VAT1L: variants seen among roughly 807,000 people sequenced by gnomAD.
The protein encoded by VAT1L is vesicle amine transport 1 like.
In VAT1L, 34 loss-of-function variants were observed where a neutral mutation model predicts 44.1. That is an observed-to-expected ratio of 0.77 (90% CI 0.59 to 1.03). VAT1L has a LOEUF of 1.03. VAT1L is among the 50% of genes least tolerant of loss of function. The pLI is 0.00. For missense variants in VAT1L, 615 were observed against 538.8 expected (o/e 1.14, Z -1.40); for synonymous variants, 253 against 202.2 (o/e 1.25, Z -2.13).
At chr16:77,808,980 A>G (rs890202719) in intron 1 of VAT1L, among the ~76,000 whole-genome samples, 8 of 152,324 alleles carry the variant, frequency 5.3e-5, no homozygotes, top group Non-Finnish European at 8.8e-5. Flanking sequence ...AGTATACGGC[A>G]TAGTATACAG....
intron 4 of VAT1L, among the ~76,000 whole-genome samples, chr16:77,865,478 A>T (rs2016963642): frequency 6.6e-6 from 1 of 152,184 alleles, no homozygotes; most frequent in African/African-American, 2.4e-5. Flanking sequence ...CAGCAATGCC[A>T]TCTTGAGAGC....
rs538125947 is a variant in VAT1L, at chr16:77,828,370, G to T, written c.579+2909G>T. Among the ~76,000 whole-genome samples the T allele has an allele frequency of 2.6e-5, 4 of 152,330 alleles. No homozygotes were observed. In the East Asian group the frequency reaches 7.7e-4, roughly 29 times the overall value. ...CAGTGTCATCACAAGAGTCCTTAAAGGTGGGAGTGGGGGCCGGGCGCGGTG... is the reference window on the plus strand; with the variant it reads ...CAGTGTCATCACAAGAGTCCTTAAATGTGGGAGTGGGGGCCGGGCGCGGTG... On this transcript the variant is annotated intron_variant, in intron 3 of 8. Transcript: ENST00000302536.
intron 1 of VAT1L, among the ~76,000 whole-genome samples, chr16:77,799,810 C>T (rs980186898): frequency 1.3e-5 from 2 of 152,130 alleles, no homozygotes; most frequent in Admixed American, 6.5e-5. Flanking sequence ...ATATTTTCAA[C>T]TTTGAGGCCC....
At chr16:77,815,959 ACT>A (rs2016346353) in intron 1 of VAT1L, among the ~76,000 whole-genome samples, 1 of 14,966 alleles carries the variant, frequency 6.7e-5, no homozygotes, top group Admixed American at 5.5e-4. Flanking sequence ...CAGGAGCAAA[ACT>A]CTGTCTCAAA....
chr16:77,825,990 T>C (rs1597053712), intron 3 of VAT1L, among the ~76,000 whole-genome samples: 1 of 121,468 alleles, frequency 8.2e-6, no homozygotes, highest in African/African-American at 3.2e-5. Context: ...GCCACTGCAC[T>C]CCAGCCTGGG....
At chr16:77,878,460 C>T (rs549975229) in intron 5 of VAT1L, among the ~76,000 whole-genome samples, 2 of 152,002 alleles carry the variant, frequency 1.3e-5, no homozygotes, top group Non-Finnish European at 2.9e-5. Context: ...CTCTCTCATT[C>T]CCCCCTCCCC....
At chr16:77,872,949 C>T (rs2017047548) in intron 4 of VAT1L, among the ~76,000 whole-genome samples, 1 of 152,194 alleles carries the variant, frequency 6.6e-6, no homozygotes, top group Non-Finnish European at 1.5e-5. Flanking sequence ...TTCCTATAAA[C>T]TCTCGGGGAA....
At chr16:77,933,474 C>T (rs998352430) in intron 7 of VAT1L, among the ~76,000 whole-genome samples, 6 of 152,104 alleles carry the variant, frequency 3.9e-5, no homozygotes, top group African/African-American at 1.4e-4. Flanking sequence ...ACACTGCTCT[C>T]CTAGAATTTA....
chr16:77,827,396 T>C (rs1320972212), intron 3 of VAT1L, among the ~76,000 whole-genome samples: 1 of 152,256 alleles, frequency 6.6e-6, no homozygotes. Flanking sequence ...TTTTATTGTT[T>C]TGTTCTTGGA....
intron 5 of VAT1L, among the ~76,000 whole-genome samples, chr16:77,877,535 A>AAAAAC (rs2017102126): frequency 7.7e-6 from 1 of 129,624 alleles, no homozygotes; most frequent in African/African-American, 2.8e-5. Context: ...AAAAAAAAAA[A>AAAAAC]AAAAAAAACC....
chr16:77,823,907 G>A (rs1045031191), intron 2 of VAT1L, among the ~76,000 whole-genome samples: 7 of 152,058 alleles, frequency 4.6e-5, no homozygotes, highest in Non-Finnish European at 7.4e-5. Context: ...CCTGTAATCC[G>A]AGCTACTTGG....
chr16:77,891,574 T>C (rs1023739306), intron 7 of VAT1L, among the ~76,000 whole-genome samples: 1 of 152,230 alleles, frequency 6.6e-6, no homozygotes, highest in African/African-American at 2.4e-5. Flanking sequence ...ATTTATTGGA[T>C]GTAAGTGTCC....
chr16:77,856,152 G>T (rs1460277767), intron 3 of VAT1L, among the ~76,000 whole-genome samples: 2 of 152,160 alleles, frequency 1.3e-5, no homozygotes, highest in Non-Finnish European at 2.9e-5. Flanking sequence ...TCCAAGCAGT[G>T]GGGATTGTAT....
At chr16:77,882,447 G>C (rs1418846167) in intron 6 of VAT1L, 1 of 152,218 alleles carries the variant, frequency 6.6e-6, no homozygotes, top group Non-Finnish European at 1.5e-5. Context: ...TTCAAATTAA[G>C]ATAATAAAAG....
intron 1 of VAT1L, among the ~76,000 whole-genome samples, chr16:77,812,407 A>G (rs1325265837): frequency 1.3e-5 from 2 of 152,058 alleles, no homozygotes; most frequent in Non-Finnish European, 2.9e-5. Context: ...TTTTAGTAAC[A>G]TTTGATTTAC....
intron 7 of VAT1L, among the ~76,000 whole-genome samples, chr16:77,918,993 C>T (rs1420293755): frequency 6.6e-6 from 1 of 152,124 alleles, no homozygotes; most frequent in Non-Finnish European, 1.5e-5. Context: ...CTTGTTTATT[C>T]AAGAGAGTCG....
At chr16:77,912,830 G>C (rs1169036037) in intron 7 of VAT1L, among the ~76,000 whole-genome samples, 2 of 152,192 alleles carry the variant, frequency 1.3e-5, no homozygotes, top group Non-Finnish European at 2.9e-5. Flanking sequence ...AGCAGATTTT[G>C]TGCTTGGTGA....
chr16:77,862,619 T>G, intron 3 of VAT1L, 129 bp from the exon 4 acceptor site: 1 of 830,634 alleles, frequency 1.2e-6, no homozygotes, highest in Non-Finnish European at 1.7e-6. Context: ...TGAGACTCCA[T>G]CTCTAAAAAA....
intron 7 of VAT1L, among the ~76,000 whole-genome samples, chr16:77,933,061 AAG>A (rs2142503989): frequency 6.6e-6 from 1 of 152,272 alleles, no homozygotes; most frequent in African/African-American, 2.4e-5. Flanking sequence ...GTTTAGGAAA[AAG>A]AGAACCAGAT....
Sources: allele counts gnomAD v4.1 joint callset (sites outside exome capture counted in the v4.1 genomes callset), GRCh38; gene constraint gnomAD v4.1.1; transcripts MANE v1.5; gene names NCBI Gene and HGNC (gene_info 2026-07-23, HGNC 2026-07-21).